ZSCAN22: variants seen among roughly 807,000 people sequenced by gnomAD.
ZSCAN22 encodes zinc finger and SCAN domain containing 22.
Under a neutral mutation model 12.4 loss-of-function variants are expected in ZSCAN22, and 7 were observed. The observed-to-expected ratio is 0.57, with a 90% confidence interval of 0.32 to 1.06. ZSCAN22 has a LOEUF of 1.06. Ranked by LOEUF, ZSCAN22 falls within the 50% of genes least tolerant of loss-of-function variation. The pLI is 0.04. For missense variants in ZSCAN22, 576 were observed against 631.7 expected (o/e 0.91, Z 0.94); for synonymous variants, 243 against 255.9 (o/e 0.95, Z 0.48).
Position 58,338,738 on chromosome 19 carries a change from T to A in ZSCAN22, c.888T>A (p.Tyr296Ter). 3 of 1,614,222 alleles carry A rather than the reference T, an allele frequency of 1.9e-6. No homozygotes were observed. The highest frequency in any genetic ancestry group is 2.7e-5 in the African/African-American group (2 of 75,060). Residue 296 changes from tyrosine to a stop codon, truncating the protein, a stop_gained, in exon 3 of 3, where the codon TAT becomes TAA. Coordinates refer to ENST00000329665, the MANE Select transcript of ZSCAN22 (RefSeq NM_181846.3). LOFTEE classifies it low-confidence loss of function (END_TRUNC). The surrounding 1 kb of genome is among the most constrained non-coding windows in gnomAD (Gnocchi z 5.4). ...HQKTHSRKTP[Y>*]ACSECGKAFS... ...AGACCCATTCTCGGAAGACCCCATA[T>A]GCCTGCAGCGAGTGTGGGAAAGCCT...
chr19:58,334,645 G>A (rs779290792), intron 1 of ZSCAN22, 107 bp from the exon 2 acceptor site: 36 of 806,594 alleles, frequency 4.5e-5, no homozygotes, highest in Admixed American at 3.5e-4. Flanking sequence ...ATGTCTTTGT[G>A]AGAGTCTTTC....
chr19:58,327,593 C>T (rs1288535651), intron 1 of ZSCAN22, among the ~76,000 whole-genome samples: 1 of 152,076 alleles, frequency 6.6e-6, no homozygotes, highest in Non-Finnish European at 1.5e-5. Flanking sequence ...GTGTCTGACA[C>T]CTCTTGGGTG....
rs973619986 is a variant in ZSCAN22, at chr19:58,335,276, G to T, written c.403+71G>T. The T allele has an allele frequency of 1.7e-5, 25 of 1,456,412 alleles. No individual in the cohort carries two copies. The highest frequency in any genetic ancestry group is 2.2e-5 in the Non-Finnish European group (24 of 1,102,772). The allele number at this position is 1,456,412 out of a possible 1,614,324, so 90.2% of individuals were successfully genotyped here. On this transcript the variant is annotated intron_variant, in intron 2 of 2. Coordinates refer to ENST00000329665, the MANE Select transcript of ZSCAN22 (RefSeq NM_181846.3). The surrounding 1 kb of genome is among the most constrained non-coding windows in gnomAD (Gnocchi z 4.1). ...CCTGGACAGGAACATGGGAGCACAG[G>T]GCTCTGGTTTGGGGTTGCTCATGCA...
chr19:58,342,203 T>G lies in ZSCAN22; in HGVS notation c.*2877T>G, dbSNP rs1186667458. Reference sequence around the variant, plus strand: ...CAGTCCTCACACAACCATCCCTGTTTTATAGAGGAGGAAGTGGCTTAGAGA... The same window carrying G: ...CAGTCCTCACACAACCATCCCTGTTGTATAGAGGAGGAAGTGGCTTAGAGA... On this transcript the variant is annotated 3_prime_UTR_variant, in exon 3 of 3. Transcript: ENST00000329665. The G allele has an allele frequency of 6.6e-6, 1 of 152,158 alleles. No homozygotes were observed. The highest frequency in any genetic ancestry group is 2.4e-5 in the African/African-American group (1 of 41,432). 9.4% of individuals were successfully genotyped at this position (152,158 alleles called of 1,614,324 possible).
At chr19:58,334,647 G>A in intron 1 of ZSCAN22, 105 bp from the exon 2 acceptor site, 1 of 812,682 alleles carries the variant, frequency 1.2e-6, no homozygotes, top group South Asian at 1.9e-5. Flanking sequence ...GTCTTTGTGA[G>A]AGTCTTTCAC....
In ZSCAN22 at chr19:58,338,977, G is replaced by A. The variant is rs753526170; in HGVS notation, c.1127G>A (p.Gly376Glu). The change falls in exon 3 of 3, where the codon GGG becomes GAG. Residue 376 changes from glycine to glutamate, a missense_variant. By Grantham distance (98) the Gly-to-Glu change is moderately conservative. Coordinates refer to ENST00000329665, the MANE Select transcript of ZSCAN22 (RefSeq NM_181846.3). The surrounding 1 kb of genome is among the most constrained non-coding windows in gnomAD (Gnocchi z 5.4). The part of the protein sequence containing the change: ...HLTQHQRVHT[G>E]ERPYECDACG... ...ACCCAGCACCAGCGGGTGCACACGG[G>A]GGAGCGGCCCTACGAGTGTGACGCG... is the stretch of plus-strand genomic sequence containing the variant. The A allele has an allele frequency of 4.3e-6, 7 of 1,613,230 alleles. No individual in the cohort carries two copies. The highest frequency in any genetic ancestry group is 5.9e-6 in the Non-Finnish European group (7 of 1,179,420).
chr19:58,340,790 T>TGGAG lies in ZSCAN22; in HGVS notation c.*1464_*1465insGGAG, dbSNP rs2051865838. On this transcript the variant is annotated 3_prime_UTR_variant, in exon 3 of 3. Transcript: ENST00000329665. ...TGAGCCACCGCACCTGGCCCTCCTT[T>TGGAG]TTCATCTAAGGTGTTTCAAATGTTG... 1 of 152,058 alleles carries TGGAG rather than the reference T, an allele frequency of 6.6e-6. No individual in the cohort carries two copies. Among genetic ancestry groups the TGGAG allele is most frequent in the Non-Finnish European group, 1.5e-5 (1 of 68,060 alleles). 9.4% of individuals were successfully genotyped at this position (152,058 alleles called of 1,614,324 possible). A position where few individuals can be genotyped will look rare whatever the true frequency, so the allele number is the denominator to read the frequency against.
rs1204657517 is a variant in ZSCAN22 at position 58,342,229 on chromosome 19, A to T, written c.*2903A>T. The T allele has an allele frequency of 6.6e-6, 1 of 152,210 alleles. No individual in the cohort carries two copies. The highest frequency in any genetic ancestry group is 1.5e-5 in the Non-Finnish European group (1 of 68,036). The allele number at this position is 152,210 out of a possible 1,614,324, so 9.4% of individuals were successfully genotyped here. ...TATAGAGGAGGAAGTGGCTTAGAGA[A>T]TGTAACTGACCAAAGTCACACTGCC... On this transcript the variant is annotated 3_prime_UTR_variant, in exon 3 of 3. Transcript: ENST00000329665.
chr19:58,327,502 G>A (rs1045684404), intron 1 of ZSCAN22, among the ~76,000 whole-genome samples: 2 of 151,904 alleles, frequency 1.3e-5, no homozygotes, highest in Non-Finnish European at 2.9e-5. Context: ...GGAGCGGGCG[G>A]ACAGATAACA....
Position 58,339,354 on chromosome 19 carries a change from C to G in ZSCAN22, c.*28C>G. 6.4e-7 allele frequency: 1 copy of G among 1,551,866 alleles called. No homozygotes were observed. The highest frequency in any genetic ancestry group is 1.2e-5 in the South Asian group (1 of 82,184). The stretch of plus-strand genomic sequence containing the variant: ...GGAAGTCGCCCCTGGGGGCGTAGCA[C>G]AGCGTCTTCTCGGAGGCTCGAGGTC... On this transcript the variant is annotated 3_prime_UTR_variant, in exon 3 of 3. Transcript: ENST00000329665. The surrounding 1 kb of genome is among the most constrained non-coding windows in gnomAD (Gnocchi z 5.6).
At position 58,339,238 on chromosome 19, in the gene ZSCAN22, C is replaced by G. The variant is rs2051841578; in HGVS notation, c.1388C>G (p.Pro463Arg). The stretch of plus-strand genomic sequence containing the variant: ...CAGAGGATCCACACGGGAGAGAAGC[C>G]TTATAAGTGCAGCGACTGTGGGAAG... ...EHQRIHTGEK[P>R]YKCSDCGKAF... Residue 463 changes from proline (P) to arginine (R), a missense_variant, in exon 3 of 3, where the codon CCT becomes CGT. Pro to Arg is a moderately radical substitution (Grantham distance 103). Transcript: ENST00000329665. This position sits in a 1 kb window ranked among gnomAD's most constrained non-coding sequence, Gnocchi z 5.6. The G allele has an allele frequency of 6.2e-7, 1 of 1,614,186 alleles. No homozygotes were observed. Among genetic ancestry groups the G allele is most frequent in the Non-Finnish European group, 8.5e-7 (1 of 1,180,038 alleles).
At chr19:58,333,147 T>C (rs1022452462) in intron 1 of ZSCAN22, among the ~76,000 whole-genome samples, 1 of 152,236 alleles carries the variant, frequency 6.6e-6, no homozygotes, top group Non-Finnish European at 1.5e-5. Context: ...ATTATTCATC[T>C]TTTTACTATG....
At position 58,340,641 on chromosome 19, in the gene ZSCAN22, A is replaced by AG; in HGVS notation, c.*1316dup. On this transcript the variant is annotated 3_prime_UTR_variant, in exon 3 of 3. Transcript: ENST00000329665. ...CAGGCGCCTGCCACCACGCCCAGCT[A>AG]GTTTTTTTTTTTTTTTGTATTTTTA... 4.8e-5 allele frequency: 1 copy of AG among 20,726 alleles called. No homozygotes were observed. Among genetic ancestry groups the AG allele is most frequent in the South Asian group, 2.7e-3 (1 of 370 alleles). 1.3% of individuals were successfully genotyped at this position (20,726 alleles called of 1,614,324 possible). A position where few individuals can be genotyped will look rare whatever the true frequency, so the allele number is the denominator to read the frequency against.
In ZSCAN22 at chr19:58,338,871, C is replaced by T. The variant is rs753931190; in HGVS notation, c.1021C>T (p.Gln341Ter). Residue 341 changes from glutamine (Q) to a stop codon, truncating the protein, a stop_gained, in exon 3 of 3, where the codon CAG (glutamine) becomes TAG (stop). Transcript: ENST00000329665. LOFTEE classifies it low-confidence loss of function (END_TRUNC). The surrounding 1 kb of genome is among the most constrained non-coding windows in gnomAD (Gnocchi z 5.4). ...CTTCAGCCGAGTCACCCACCTGACT[C>T]AGCACCAAAGGATTCATACTGGAGA... is the stretch of plus-strand genomic sequence containing the variant. The part of the protein sequence containing the change: ...KAFSRVTHLT[Q>*]HQRIHTGEKP... 1 of 1,613,808 alleles carries T rather than the reference C, an allele frequency of 6.2e-7. No individual in the cohort carries two copies. The highest frequency in any genetic ancestry group is 1.1e-5 in the South Asian group (1 of 91,068).
chr19:58,332,051 T>C (rs909354792), intron 1 of ZSCAN22, among the ~76,000 whole-genome samples: 1 of 151,834 alleles, frequency 6.6e-6, no homozygotes. Context: ...TTTTGTATTT[T>C]TAGTATAGAT....
intron 2 of ZSCAN22, among the ~76,000 whole-genome samples, chr19:58,336,457 C>T (rs2147988796): frequency 6.6e-6 from 1 of 152,060 alleles, no homozygotes; most frequent in East Asian, 1.9e-4. Context: ...GGGTCAAAGG[C>T]CTGGCAGTGT....
Position 58,329,209 on chromosome 19 carries a change from CACCAGCGGT to C in ZSCAN22, c.-52+2096_-52+2104del, listed in dbSNP as rs1311966847. ...AGCTTGGCCAGAGGCCACCAGAGGT[CACCAGCGGT>C]CACCAAAAGGTTTCAGGATTGGGGT... On this transcript the variant is annotated intron_variant, in intron 1 of 2. Transcript: ENST00000329665. The surrounding 1 kb of genome is among the most constrained non-coding windows in gnomAD (Gnocchi z 4.1). Among the ~76,000 whole-genome samples, 58 of 122,604 alleles carry C rather than the reference CACCAGCGGT, an allele frequency of 4.7e-4. No homozygotes were observed. The highest frequency in any genetic ancestry group is 2.2e-3 in the African/African-American group (55 of 24,994). 80.4% of individuals were successfully genotyped at this position (122,604 alleles called of 152,430 possible). A position where few individuals can be genotyped will look rare whatever the true frequency, so the allele number is the denominator to read the frequency against.
intron 1 of ZSCAN22, among the ~76,000 whole-genome samples, chr19:58,331,518 G>GTTATTATTATTATTATTA (rs74179462): frequency 8.4e-6 from 1 of 119,452 alleles, no homozygotes; most frequent in South Asian, 2.9e-4. Flanking sequence ...TCCAGCTGAC[G>GTTATTATTATTATTATTA]TTATTATTAT....
Position 58,329,802 on chromosome 19 carries a change from T to C in ZSCAN22, c.-52+2688T>C, listed in dbSNP as rs1036152655. 1.3e-5 allele frequency among the ~76,000 whole-genome samples: 2 copies of C among 152,194 alleles called. No individual in the cohort carries two copies. The highest frequency in any genetic ancestry group is 4.8e-5 in the African/African-American group (2 of 41,454). ...AAAATATAGAATATATAAGGTTCAG[T>C]AATATCCATGGTTTCAGGCATCCAC... is the stretch of plus-strand genomic sequence containing the variant. On this transcript the variant is annotated intron_variant, in intron 1 of 2. Transcript: ENST00000329665. This position sits in a 1 kb window ranked among gnomAD's most constrained non-coding sequence, Gnocchi z 4.1.
Sources: gnomAD v4.1 joint callset for allele counts (sites outside exome capture counted in the v4.1 genomes callset) on GRCh38, gnomAD v4.1.1 for gene constraint, Gnocchi (gnomAD v3.1) non-coding constraint, MANE v1.5 for transcripts, NCBI Gene and HGNC (gene_info 2026-07-23, HGNC 2026-07-21) for gene names.